FOCAD: variants seen among roughly 807,000 people sequenced by gnomAD.
FOCAD encodes the protein focadhesin, also known as KIAA1797.
Under a neutral mutation model 225.6 loss-of-function variants are expected in FOCAD, and 198 were observed. The observed-to-expected ratio is 0.88, with a 90% confidence interval of 0.78 to 0.99. The LOEUF is 0.99. Ranked by LOEUF, FOCAD falls within the 50% of genes least tolerant of loss-of-function variation. FOCAD has a pLI of 0.00. For synonymous variants in FOCAD, 897 were observed against 755.0 expected, an observed-to-expected ratio of 1.19 and a Z score of -3.08; for missense variants, 2,713 against 2,123.6, an observed-to-expected ratio of 1.28 and a Z score of -5.46.
chr9:20,851,660 A>G (rs1002573499), intron 15 of FOCAD, among the ~76,000 whole-genome samples: 1 of 151,884 alleles, frequency 6.6e-6, no homozygotes, highest in Admixed American at 6.6e-5. Context: ...TCTACTCTAG[A>G]CCTACTGAGT....
chr9:20,827,216 C>T (rs1824992325), intron 15 of FOCAD, among the ~76,000 whole-genome samples: 1 of 151,990 alleles, frequency 6.6e-6, no homozygotes, highest in Admixed American at 6.6e-5. Flanking sequence ...TTCCACATTT[C>T]TCCTAGCCCT....
rs192511107 is a variant in FOCAD at position 20,738,586 on chromosome 9, A to G, written c.288-1650A>G. On this transcript the variant is annotated intron_variant, in intron 4 of 43. Transcript: ENST00000338382. Reference sequence around the variant, plus strand: ...GACATATGTCATGAAAGATTCATCCATGAGTTATACTGAATGGTCCTAAGA... The same window carrying G: ...GACATATGTCATGAAAGATTCATCCGTGAGTTATACTGAATGGTCCTAAGA... Among the ~76,000 whole-genome samples the G allele has an allele frequency of 1.5e-3, 226 of 152,378 alleles. 2 individuals are homozygous for G. Among genetic ancestry groups the G allele is most frequent in the African/African-American group, 5.2e-3 (215 of 41,592 alleles).
At chr9:20,832,698 C>T (rs1825628623) in intron 15 of FOCAD, among the ~76,000 whole-genome samples, 1 of 151,996 alleles carries the variant, frequency 6.6e-6, no homozygotes, top group Non-Finnish European at 1.5e-5. Flanking sequence ...ACCAGTCCTC[C>T]ACTACCCTTC....
chr9:20,761,880 T>G (rs2130926729), intron 6 of FOCAD, among the ~76,000 whole-genome samples: 2 of 152,336 alleles, frequency 1.3e-5, no homozygotes, highest in Admixed American at 1.3e-4. Flanking sequence ...ATCTGTTTTT[T>G]TAATATTCAT....
In FOCAD at chr9:20,756,803, G is replaced by A. The variant is rs557526108; in HGVS notation, c.393-1287G>A. Among the ~76,000 whole-genome samples the A allele has an allele frequency of 2.6e-4, 40 of 152,244 alleles. No individual in the cohort carries two copies. The South Asian group carries it at 8.1e-3, about 31-fold the overall frequency. On this transcript the variant is annotated intron_variant, in intron 5 of 43. Coordinates refer to ENST00000338382, the MANE Select transcript of FOCAD (RefSeq NM_001375567.1). ...TCTGAGTGTAACTGATGGTCTGATT[G>A]TTACTCTTTTTTGAAAAATCATTGC...
At chr9:20,986,226 A>G in intron 39 of FOCAD, 62 bp from the exon 40 acceptor site, 1 of 1,376,830 alleles carries the variant, frequency 7.3e-7, no homozygotes, top group East Asian at 2.8e-5. Flanking sequence ...TTGCCCTGAA[A>G]TTCTGTAGCT....
intron 3 of FOCAD, 91 bp downstream of exon 3, chr9:20,717,959 C>G: frequency 2.1e-6 from 2 of 954,828 alleles, no homozygotes; most frequent in Non-Finnish European, 3.2e-6. Flanking sequence ...CCTGATAGTT[C>G]AGATCACAGT....
At chr9:20,878,969 G>C (rs1309563557) in intron 19 of FOCAD, among the ~76,000 whole-genome samples, 1 of 152,240 alleles carries the variant, frequency 6.6e-6, no homozygotes, top group Middle Eastern at 3.4e-3. Context: ...TTCACCTTCT[G>C]CATTTGTTCT....
At chr9:20,950,060 A>G (rs546263652) in intron 33 of FOCAD, among the ~76,000 whole-genome samples, 27 of 152,276 alleles carry the variant, frequency 1.8e-4, no homozygotes, top group African/African-American at 6.3e-4. Flanking sequence ...GTGTTTGGGC[A>G]TATCATTTTA....
chr9:20,752,186 G>T lies in FOCAD; in HGVS notation c.393-5904G>T, dbSNP rs141242208. ...AATTAGATCCCATTTGTCAATTTTG[G>T]CTTTTGTTGCCATTGCTTCCAGTGT... On this transcript the variant is annotated intron_variant, in intron 5 of 43. Coordinates refer to ENST00000338382, the MANE Select transcript of FOCAD (RefSeq NM_001375567.1). Among the ~76,000 whole-genome samples, 759 of 151,512 alleles carry T rather than the reference G, an allele frequency of 5.0e-3. 10 individuals carry two copies. Among genetic ancestry groups the T allele is most frequent in the African/African-American group, 0.017 (716 of 41,086 alleles).
Position 20,669,331 on chromosome 9 carries a change from A to C in FOCAD, c.-78+10505A>C, listed in dbSNP as rs186143971. Among the ~76,000 whole-genome samples, 196 of 152,310 alleles carry C rather than the reference A, an allele frequency of 1.3e-3. 1 individual carries two copies. The highest frequency in any genetic ancestry group is 4.5e-3 in the African/African-American group (187 of 41,562). ...GGATTCTGTTCCTTATTTTCAAAGC[A>C]GCACAAACCAAAATAGCAAAAAACC... On this transcript the variant is annotated intron_variant, in intron 2 of 45. Transcript: ENST00000380249.
intron 1 of FOCAD, among the ~76,000 whole-genome samples, chr9:20,707,209 C>T (rs1306066798): frequency 6.6e-6 from 1 of 152,198 alleles, no homozygotes; most frequent in East Asian, 1.9e-4. Flanking sequence ...TGTCACACCA[C>T]TGAGTTGCTA....
intron 10 of FOCAD, chr9:20,786,930 G>C: frequency 2.3e-6 from 1 of 429,858 alleles, no homozygotes; most frequent in Non-Finnish European, 4.6e-6. Flanking sequence ...AAGCTTACTA[G>C]CATTTTCACA....
intron 35 of FOCAD, among the ~76,000 whole-genome samples, chr9:20,962,427 C>CATAT (rs80245235): frequency 1.4e-4 from 22 of 151,766 alleles, no homozygotes; most frequent in Non-Finnish European, 2.5e-4. Context: ...CACATACATA[C>CATAT]ATACATACAT....
intron 35 of FOCAD, among the ~76,000 whole-genome samples, chr9:20,955,523 T>A (rs1236435680): frequency 1.3e-3 from 2 of 1,504 alleles, no homozygotes; most frequent in African/African-American, 7.4e-4. Context: ...TAACTGGGTC[T>A]TTTTTTTTTT....
rs1343130578 is a variant in FOCAD, at chr9:20,823,117, T to A, written c.1920+2T>A. 1 of 1,604,088 alleles carries A rather than the reference T, an allele frequency of 6.2e-7. No homozygotes were observed. The highest frequency in any genetic ancestry group is 8.5e-7 in the Non-Finnish European group (1 of 1,176,280). On this transcript the variant is annotated splice_donor_variant, in intron 15 of 43. Coordinates refer to ENST00000338382, the MANE Select transcript of FOCAD (RefSeq NM_001375567.1). LOFTEE classifies it high-confidence loss of function. ...CTTCATGCACTCTGTCAAGCTGAGG[T>A]AGGCATTTTTAAATTGCTTTGGATA... is the stretch of plus-strand genomic sequence containing the variant.
intron 24 of FOCAD, 97 bp from the exon 25 acceptor site, chr9:20,923,563 G>A (rs1477138516): frequency 2.6e-6 from 2 of 778,334 alleles, no homozygotes; most frequent in South Asian, 3.4e-5. Context: ...AGGAACACAA[G>A]TTGCTTTTTG....
chr9:20,684,169 G>A (rs937398317), upstream of FOCAD: 3 of 152,228 alleles, frequency 2.0e-5, no homozygotes, highest in Non-Finnish European at 4.4e-5. Context: ...GGAGGAGGCG[G>A]AACAGGGCCT....
rs754077384 is a variant in FOCAD at position 20,820,426 on chromosome 9, G to GT, written c.1662+2dup. ...GCTGACATCTTTGTGGGAAAAGCAG[G>GT]TAATTTCAGATATACACTTGCATGA... On this transcript the variant is annotated splice_donor_variant, in intron 13 of 43. Coordinates refer to ENST00000338382, the MANE Select transcript of FOCAD (RefSeq NM_001375567.1). LOFTEE classifies it high-confidence loss of function. 2.7e-5 allele frequency: 43 copies of GT among 1,611,048 alleles called. No individual in the cohort carries two copies. The South Asian group carries it at 4.7e-4, about 18-fold the overall frequency.
Sources: allele counts gnomAD v4.1 joint callset (sites outside exome capture counted in the v4.1 genomes callset), GRCh38; gene constraint gnomAD v4.1.1; transcripts MANE v1.5; gene names NCBI Gene and HGNC (gene_info 2026-07-23, HGNC 2026-07-21).